The following TAF1 variants were observed in gnomAD, a reference collection of about 807,000 sequenced individuals.
TAF1 encodes the protein TATA-box binding protein associated factor 1.
A neutral mutation model predicts 138.5 loss-of-function variants in TAF1; 2 were observed. The observed-to-expected ratio is 0.01, with a 90% confidence interval of 0.01 to 0.05. The LOEUF is 0.05. Among genes scored for constraint, TAF1 ranks in the 10% least tolerant of loss-of-function variants. TAF1 has a pLI of 1.00. For missense variants in TAF1, 709 were observed against 1,478.0 expected (o/e 0.48, Z 8.53); for synonymous variants, 437 against 503.2 (o/e 0.87, Z 1.76).
chrX:71,529,883 A>G (rs760393068), exon 15 of TAF1: 6 of 257,942 alleles, frequency 2.3e-5, no homozygotes, highest in African/African-American at 5.7e-5. Context: ...TTGGTCTTTG[A>G]GCTCTCACAT....
At chrX:71,427,486 A>C (rs753705967) in intron 32 of TAF1, among the ~76,000 whole-genome samples, 1 of 112,104 alleles carries the variant, frequency 8.9e-6, no homozygotes, top group Non-Finnish European at 1.9e-5. Flanking sequence ...CTGACTTAGG[A>C]CATAGGGCAG....
chrX:71,390,491 C>G lies in TAF1; in HGVS notation c.2781+826C>G, dbSNP rs911997807. 7.2e-5 allele frequency among the ~76,000 whole-genome samples: 8 copies of G among 111,346 alleles called. No homozygotes were observed. The Admixed American group carries it at 7.7e-4, about 11-fold the overall frequency. The stretch of plus-strand genomic sequence containing the variant: ...CCTGGATTTCGATTGGATGATAATT[C>G]TCCTTTCATTATGTACATATAGTAC... On this transcript the variant is annotated intron_variant, in intron 18 of 37. Transcript: ENST00000423759.
chrX:71,481,455 A>G (rs1041297310), intron 13 of TAF1, among the ~76,000 whole-genome samples: 1 of 112,884 alleles, frequency 8.9e-6, no homozygotes, highest in Non-Finnish European at 1.9e-5. Context: ...ATCTGAGATA[A>G]TGGTAGAAGA....
intron 3 of TAF1, among the ~76,000 whole-genome samples, chrX:71,373,860 G>C (rs1383970602): frequency 9.0e-6 from 1 of 110,751 alleles, no homozygotes; most frequent in Non-Finnish European, 1.9e-5. Flanking sequence ...ATAAACTGCA[G>C]ATGACAGATA....
At chrX:71,439,241 T>G (rs748487109) in intron 32 of TAF1, among the ~76,000 whole-genome samples, 5 of 111,766 alleles carry the variant, frequency 4.5e-5, no homozygotes, top group Admixed American at 3.8e-4. Context: ...ATTTACAATT[T>G]CCAATCTGGG....
At chrX:71,508,086 C>CTCTCTATATATATA (rs4040068) in intron 13 of TAF1, among the ~76,000 whole-genome samples, 8 of 92,195 alleles carry the variant, frequency 8.7e-5, no homozygotes, top group African/African-American at 2.1e-4. Flanking sequence ...CTCTCTCTCT[C>CTCTCTATATATATA]TATATATATA....
chrX:71,378,046 T>C (rs867649947), intron 6 of TAF1, 189 bp from the exon 7 acceptor site: 4 of 585,179 alleles, frequency 6.8e-6, no homozygotes, highest in South Asian at 6.2e-5. Context: ...GATGGTGATA[T>C]GCTGCTGAAT....
chrX:71,384,135 G>A lies in TAF1; in HGVS notation c.2121G>A (p.Arg707=). The change falls in exon 13 of 38, where the codon CGG becomes CGA. Residue 707 remains arginine (R), a splice_region_variant and synonymous_variant. Coordinates refer to ENST00000423759, the MANE Select transcript of TAF1 (RefSeq NM_004606.5). ...CCAAGATAAAGAACTATTATAAACG[G>A]GTGAGTCTCTGCTCAGAAAATTTTT... ...MATKIKNYYK[R]KPGKDPGAPD... is the part of the protein sequence containing the mutation. 2 of 1,208,484 alleles carry A rather than the reference G, an allele frequency of 1.7e-6. No homozygotes were observed. Among genetic ancestry groups the A allele is most frequent in the Non-Finnish European group, 2.2e-6 (2 of 894,185 alleles).
intron 24 of TAF1, among the ~76,000 whole-genome samples, chrX:71,399,053 C>A (rs924391510): frequency 4.6e-5 from 5 of 109,393 alleles, no homozygotes; most frequent in African/African-American, 1.7e-4. Context: ...CATCCTCCTA[C>A]CTCTGCTTCC....
chrX:71,387,160 A>G (rs182408310), intron 14 of TAF1, 101 bp from the exon 15 acceptor site: 1 of 870,000 alleles, frequency 1.1e-6, no homozygotes, highest in East Asian at 3.1e-5. Flanking sequence ...AGATGGCGTA[A>G]TTAAGATGGA....
intron 28 of TAF1, among the ~76,000 whole-genome samples, chrX:71,420,752 T>G (rs1188149150): frequency 8.9e-6 from 1 of 112,660 alleles, no homozygotes; most frequent in Non-Finnish European, 1.9e-5. Context: ...GGAGCTCCCG[T>G]GGGGGTGGGG....
intron 4 of TAF1, among the ~76,000 whole-genome samples, chrX:71,376,646 G>A (rs1357362778): frequency 9.4e-6 from 1 of 106,035 alleles, no homozygotes; most frequent in Non-Finnish European, 1.9e-5. Flanking sequence ...CAGCCTGTGC[G>A]ACAGAGCAAG....
In TAF1 at chrX:71,376,987, C is replaced by G; in HGVS notation, c.510C>G (p.Ile170Met). 8.3e-7 allele frequency: 1 copy of G among 1,211,848 alleles called. No individual in the cohort carries two copies. Among genetic ancestry groups the G allele is most frequent in the African/African-American group, 1.7e-5 (1 of 57,832 alleles). Residue 170 changes from isoleucine (I) to methionine (M), a missense_variant, in exon 5 of 38, where the codon ATC becomes ATG. Physicochemically the swap from Ile to Met is conservative, Grantham distance 10 (BLOSUM62 1). Around this residue, in one of 14 missense-constraint regions of TAF1, gnomAD observed 123 missense variants for 161.6 expected, o/e 0.76. Coordinates refer to ENST00000423759, the MANE Select transcript of TAF1 (RefSeq NM_004606.5). ...GAGAAGGCATCATCTTGCCCTCCAT[C>G]ATTGCCCCTTCCTCTTTGGCCTCAG... ...ENGEGIILPSIIAPSSLASEK... is the reference protein window; with the variant it reads ...ENGEGIILPSMIAPSSLASEK...
downstream of TAF1, among the ~76,000 whole-genome samples, chrX:71,468,334 A>C (rs1208879917): frequency 1.8e-5 from 2 of 110,768 alleles, no homozygotes; most frequent in Admixed American, 2.0e-4. Context: ...ATAATCAGAG[A>C]TGAACATGAA....
chrX:71,405,103 C>A (rs959323055), intron 25 of TAF1, among the ~76,000 whole-genome samples: 1 of 107,914 alleles, frequency 9.3e-6, no homozygotes, highest in African/African-American at 3.4e-5. Flanking sequence ...ATTACAGGTG[C>A]CCGCCACCAT....
At chrX:71,432,836 A>C (rs1232167474) in intron 32 of TAF1, among the ~76,000 whole-genome samples, 1 of 111,306 alleles carries the variant, frequency 9.0e-6, no homozygotes, top group East Asian at 2.8e-4. Flanking sequence ...ATGTGTGCAA[A>C]TTTTCCGTTA....
chrX:71,371,481 T>C (rs147223913), intron 3 of TAF1, among the ~76,000 whole-genome samples: 62 of 111,604 alleles, frequency 5.6e-4, no homozygotes, highest in East Asian at 3.1e-3. Flanking sequence ...TTTGGAGATA[T>C]TTAGAAATAA....
At chrX:71,459,072 A>C in intron 35 of TAF1, 1 of 754,357 alleles carries the variant, frequency 1.3e-6, no homozygotes, top group Non-Finnish European at 1.8e-6. Flanking sequence ...AGGAGCATCC[A>C]CCCTGGGTGA....
At chrX:71,442,347 C>T (rs189570767) in intron 32 of TAF1, among the ~76,000 whole-genome samples, 3 of 112,081 alleles carry the variant, frequency 2.7e-5, no homozygotes, top group East Asian at 2.8e-4. Context: ...GACTTCTTAA[C>T]GATTGCCATT....
Sources: allele counts gnomAD v4.1 joint callset (sites outside exome capture counted in the v4.1 genomes callset), GRCh38; gene constraint gnomAD v4.1.1; regional missense constraint gnomAD v4.1.1; transcripts MANE v1.5; gene names NCBI Gene and HGNC (gene_info 2026-07-23, HGNC 2026-07-21).